Variants in ARHGAP6 observed in about 807,000 individuals in gnomAD.
The protein encoded by ARHGAP6 is rho GTPase-activating protein 6.
A neutral mutation model predicts 55.7 loss-of-function variants in ARHGAP6; 16 were observed. The observed-to-expected ratio is 0.29, with a 90% confidence interval of 0.19 to 0.44. ARHGAP6 has a LOEUF of 0.44. Ranked by LOEUF, ARHGAP6 falls within the 20% of genes least tolerant of loss-of-function variation. ARHGAP6 has a pLI of 1.00. For synonymous variants in ARHGAP6, 382 were observed against 360.9 expected, an observed-to-expected ratio of 1.06 and a Z score of -0.66; for missense variants, 698 against 808.9, an observed-to-expected ratio of 0.86 and a Z score of 1.66.
chrX:11,345,750 G>A (rs1603106374), intron 1 of ARHGAP6, among the ~76,000 whole-genome samples: 1 of 111,416 alleles, frequency 9.0e-6, no homozygotes, highest in South Asian at 3.8e-4. Flanking sequence ...TAACTGAGCA[G>A]TTCAGCTAGG....
chrX:11,454,553 A>T (rs2050178268), intron 1 of ARHGAP6, among the ~76,000 whole-genome samples: 1 of 111,911 alleles, frequency 8.9e-6, no homozygotes, highest in African/African-American at 3.2e-5. Context: ...TTGTATAGTA[A>T]GTTTCCATAT....
intron 2 of ARHGAP6, among the ~76,000 whole-genome samples, chrX:11,197,828 A>G (rs1373461049): frequency 8.9e-6 from 1 of 112,271 alleles, no homozygotes; most frequent in Non-Finnish European, 1.9e-5. Context: ...TTGGGCTGTC[A>G]TCATAAAATA....
At chrX:11,651,633 T>C (rs1440581902) in intron 1 of ARHGAP6, among the ~76,000 whole-genome samples, 1 of 111,811 alleles carries the variant, frequency 8.9e-6, no homozygotes, top group Non-Finnish European at 1.9e-5. Context: ...AAGAAAGACT[T>C]ATACTCCTTT....
chrX:11,638,984 G>A (rs1026880292), intron 1 of ARHGAP6, among the ~76,000 whole-genome samples: 3 of 110,793 alleles, frequency 2.7e-5, no homozygotes, highest in East Asian at 5.6e-4. Flanking sequence ...CTGAAAATTG[G>A]AGGCTACAAG....
At chrX:11,155,381 C>T (rs193129732) in intron 10 of ARHGAP6, among the ~76,000 whole-genome samples, 1,717 of 111,276 alleles carry the variant, frequency 0.015, 12 homozygotes, top group Non-Finnish European at 0.022. Flanking sequence ...CTCACTGCAA[C>T]TTCCACCTCC....
At chrX:11,180,675 G>T (rs1196691053) in intron 6 of ARHGAP6, among the ~76,000 whole-genome samples, 1 of 111,820 alleles carries the variant, frequency 8.9e-6, no homozygotes, top group Non-Finnish European at 1.9e-5. Flanking sequence ...CCATGCAAAG[G>T]TTTCCCCTTT....
intron 1 of ARHGAP6, among the ~76,000 whole-genome samples, chrX:11,646,019 T>TCA (rs3032208): frequency 0.31 from 34,004 of 110,967 alleles, 4,193 homozygotes; most frequent in East Asian, 0.75. Flanking sequence ...GAGGTTTGAC[T>TCA]CACAGTTCCA....
chrX:11,173,405 A>G (rs1292191281), intron 8 of ARHGAP6, among the ~76,000 whole-genome samples: 1 of 111,892 alleles, frequency 8.9e-6, no homozygotes, highest in Non-Finnish European at 1.9e-5. Context: ...AATGCCAGCT[A>G]CGGACTCTCA....
At chrX:11,268,977 C>T (rs2047661806) in intron 1 of ARHGAP6, among the ~76,000 whole-genome samples, 1 of 111,378 alleles carries the variant, frequency 9.0e-6, no homozygotes, top group Admixed American at 9.6e-5. Flanking sequence ...GGTTTAGTTG[C>T]CCCAATGTCT....
At chrX:11,246,606 C>T (rs1012288961) in intron 2 of ARHGAP6, among the ~76,000 whole-genome samples, 3 of 112,255 alleles carry the variant, frequency 2.7e-5, no homozygotes, top group Middle Eastern at 4.6e-3. Flanking sequence ...CGTAGCCCTA[C>T]TCCATGGGAA....
chrX:11,166,607 A>G (rs1235427867), intron 9 of ARHGAP6, among the ~76,000 whole-genome samples: 1 of 112,060 alleles, frequency 8.9e-6, no homozygotes, highest in Non-Finnish European at 1.9e-5. Flanking sequence ...CAGCCTTGGT[A>G]TAGCCGACTA....
intron 2 of ARHGAP6, among the ~76,000 whole-genome samples, chrX:11,230,659 GTA>G (rs1241715421): frequency 9.3e-6 from 1 of 107,523 alleles, no homozygotes; most frequent in African/African-American, 3.4e-5. Flanking sequence ...GTGTATATAC[GTA>G]TATATGTGTG....
intron 1 of ARHGAP6, among the ~76,000 whole-genome samples, chrX:11,573,806 T>C (rs1330516160): frequency 9.0e-6 from 1 of 111,566 alleles, no homozygotes; most frequent in Non-Finnish European, 1.9e-5. Context: ...TATTGATTCT[T>C]CCTACCCATG....
chrX:11,470,848 C>G (rs1372583895), intron 1 of ARHGAP6, among the ~76,000 whole-genome samples: 1 of 111,865 alleles, frequency 8.9e-6, no homozygotes, highest in South Asian at 3.7e-4. Flanking sequence ...CTGCTGCCAT[C>G]TTGAAATTCT....
intron 1 of ARHGAP6, among the ~76,000 whole-genome samples, chrX:11,592,675 G>C (rs779144889): frequency 2.7e-5 from 3 of 111,534 alleles, no homozygotes; most frequent in Non-Finnish European, 5.6e-5. Flanking sequence ...TAATAATAAA[G>C]GTTGGACACT....
intron 1 of ARHGAP6, among the ~76,000 whole-genome samples, chrX:11,597,012 A>T (rs779481923): frequency 3.6e-5 from 4 of 111,773 alleles, no homozygotes; most frequent in Non-Finnish European, 5.6e-5. Flanking sequence ...TCAATTTCTC[A>T]GGACTCCTTC....
intron 8 of ARHGAP6, among the ~76,000 whole-genome samples, chrX:11,174,266 A>G (rs2046136279): frequency 9.1e-6 from 1 of 110,325 alleles, no homozygotes; most frequent in African/African-American, 3.3e-5. Context: ...CTTAAATTCA[A>G]CCTCCTCCAT....
intron 1 of ARHGAP6, among the ~76,000 whole-genome samples, chrX:11,369,159 G>T (rs151003007): frequency 0.011 from 1,278 of 111,408 alleles, 7 homozygotes; most frequent in Non-Finnish European, 0.019. Context: ...GGACATTGTG[G>T]TAGGTTTTTT....
chrX:11,226,000 TC>T (rs2047042007), intron 2 of ARHGAP6, among the ~76,000 whole-genome samples: 1 of 109,833 alleles, frequency 9.1e-6, no homozygotes, highest in African/African-American at 3.3e-5. Context: ...CCCGAGAGTT[TC>T]TTTTTTTTTT....
Sources: allele counts gnomAD v4.1 joint callset (sites outside exome capture counted in the v4.1 genomes callset), GRCh38; gene constraint gnomAD v4.1.1; transcripts MANE v1.5; gene names NCBI Gene and HGNC (gene_info 2026-07-23, HGNC 2026-07-21).